Variants in FHIT observed in about 807,000 individuals in gnomAD.
The protein encoded by FHIT is bis(5'-adenosyl)-triphosphatase.
A neutral mutation model predicts 17.9 loss-of-function variants in FHIT; 19 were observed. That is an observed-to-expected ratio of 1.06 (90% CI 0.74 to 1.56). The LOEUF is 1.56. Ranked by LOEUF, FHIT falls within the 40% of genes most tolerant of loss-of-function variation. FHIT has a pLI of 0.00. For synonymous variants in FHIT, 81 were observed against 69.7 expected (o/e 1.16, Z -0.81); for missense variants, 248 against 189.2 (o/e 1.31, Z -1.82).
chr3:60,638,535 G>GT (rs1337983479), intron 4 of FHIT, among the ~76,000 whole-genome samples: 1 of 152,106 alleles, frequency 6.6e-6, no homozygotes, highest in Non-Finnish European at 1.5e-5. Flanking sequence ...AAATCTTAAT[G>GT]TTCAGGTCGT....
intron 3 of FHIT, among the ~76,000 whole-genome samples, chr3:60,848,862 T>C (rs1703030659): frequency 6.6e-6 from 1 of 152,144 alleles, no homozygotes; most frequent in South Asian, 2.1e-4. Context: ...TAGATGTTAC[T>C]CCCAAATACC....
At chr3:60,347,675 TGG>T (rs33987270) in intron 5 of FHIT, among the ~76,000 whole-genome samples, 554 of 27,712 alleles carry the variant, frequency 0.02, 12 homozygotes, top group African/African-American at 0.043. Context: ...ACCACTGGTT[TGG>T]GGGGGGGGGG....
At chr3:60,705,636 G>C (rs2107920673) in intron 4 of FHIT, among the ~76,000 whole-genome samples, 1 of 152,286 alleles carries the variant, frequency 6.6e-6, no homozygotes, top group South Asian at 2.1e-4. Flanking sequence ...TGAAATTCAT[G>C]GTTTCCAGTA....
intron 2 of FHIT, among the ~76,000 whole-genome samples, chr3:61,156,608 C>T (rs948650487): frequency 1.3e-5 from 2 of 152,036 alleles, no homozygotes; most frequent in Non-Finnish European, 2.9e-5. Context: ...AAGAAAATAC[C>T]ATACCCCTCC....
chr3:61,209,504 C>A (rs1453028937), intron 1 of FHIT, among the ~76,000 whole-genome samples: 1 of 146,344 alleles, frequency 6.8e-6, no homozygotes, highest in Non-Finnish European at 1.5e-5. Flanking sequence ...TTCTTGGAGG[C>A]TTTGTTTGTT....
intron 3 of FHIT, among the ~76,000 whole-genome samples, chr3:60,898,601 G>A (rs1705946552): frequency 6.6e-6 from 1 of 152,190 alleles, no homozygotes; most frequent in Admixed American, 6.5e-5. Context: ...AAACATTACT[G>A]ATGTCTGCCC....
chr3:59,845,389 T>G (rs1298508933), intron 8 of FHIT, among the ~76,000 whole-genome samples: 2 of 152,122 alleles, frequency 1.3e-5, no homozygotes, highest in Non-Finnish European at 2.9e-5. Context: ...ACATTTGTCT[T>G]ATTTTTAAAT....
At chr3:60,121,712 ACACAC>A (rs1705263278) in intron 5 of FHIT, among the ~76,000 whole-genome samples, 6 of 25,022 alleles carry the variant, frequency 2.4e-4, no homozygotes, top group South Asian at 1.9e-3. Context: ...CAAAACAAAC[ACACAC>A]ACACACACAC....
At chr3:60,506,093 G>A (rs1293246531) in intron 5 of FHIT, among the ~76,000 whole-genome samples, 2 of 152,124 alleles carry the variant, frequency 1.3e-5, no homozygotes, top group African/African-American at 4.8e-5. Context: ...TGAGTAAAAT[G>A]TGAAAATTTA....
At chr3:60,134,067 A>G (rs539041796) in intron 5 of FHIT, among the ~76,000 whole-genome samples, 33 of 152,200 alleles carry the variant, frequency 2.2e-4, no homozygotes, top group African/African-American at 6.7e-4. Context: ...TGTTTTACCA[A>G]AAAGAGTGAT....
chr3:60,238,187 A>T (rs1704913163), intron 5 of FHIT, among the ~76,000 whole-genome samples: 2 of 151,726 alleles, frequency 1.3e-5, no homozygotes, highest in Non-Finnish European at 2.9e-5. Flanking sequence ...CAACAAATAC[A>T]AACTTTATTG....
intron 8 of FHIT, among the ~76,000 whole-genome samples, chr3:59,803,706 C>A (rs1700088742): frequency 6.6e-6 from 1 of 152,128 alleles, no homozygotes; most frequent in Non-Finnish European, 1.5e-5. Flanking sequence ...GCTTTGTTCC[C>A]CAAATTTCTT....
At chr3:60,022,158 AAC>A (rs1425874314) in intron 5 of FHIT, among the ~76,000 whole-genome samples, 2 of 152,214 alleles carry the variant, frequency 1.3e-5, no homozygotes, top group African/African-American at 4.8e-5. Context: ...CATTTCCCAA[AAC>A]ACAGAGAGGC....
chr3:60,191,392 GTGAACTAC>G (rs1450987033), intron 5 of FHIT, among the ~76,000 whole-genome samples: 13 of 152,186 alleles, frequency 8.5e-5, no homozygotes, highest in Admixed American at 8.5e-4. Flanking sequence ...TTGTCACCTA[GTGAACTAC>G]TCAAAAATCT....
chr3:60,441,772 A>G (rs1290370027), intron 5 of FHIT, among the ~76,000 whole-genome samples: 1 of 73,608 alleles, frequency 1.4e-5, no homozygotes, highest in Non-Finnish European at 2.8e-5. Flanking sequence ...ATATATATTT[A>G]TATGTATAAA....
At chr3:60,541,204 T>C (rs778212692) in intron 4 of FHIT, among the ~76,000 whole-genome samples, 33 of 152,244 alleles carry the variant, frequency 2.2e-4, no homozygotes, top group Admixed American at 1.7e-3. Flanking sequence ...AATAACATAG[T>C]TGCTCTTTAT....
intron 8 of FHIT, among the ~76,000 whole-genome samples, chr3:59,830,115 A>T (rs887323960): frequency 2.0e-5 from 3 of 152,102 alleles, no homozygotes; most frequent in African/African-American, 4.8e-5. Flanking sequence ...AAAAGTTTAC[A>T]TTAGTGGCAA....
At chr3:60,817,107 T>C (rs1553737943) in intron 4 of FHIT, among the ~76,000 whole-genome samples, 2 of 152,068 alleles carry the variant, frequency 1.3e-5, no homozygotes, top group African/African-American at 4.8e-5. Context: ...TTTTATACTA[T>C]CTCATATAAA....
At chr3:60,450,276 T>C (rs1003920563) in intron 5 of FHIT, among the ~76,000 whole-genome samples, 1 of 151,998 alleles carries the variant, frequency 6.6e-6, no homozygotes, top group Admixed American at 6.6e-5. Flanking sequence ...CACTGGGCAA[T>C]AGGAATTTTT....
Sources: allele counts gnomAD v4.1 joint callset (sites outside exome capture counted in the v4.1 genomes callset), GRCh38; gene constraint gnomAD v4.1.1; transcripts MANE v1.5; gene names NCBI Gene and HGNC (gene_info 2026-07-23, HGNC 2026-07-21).